Variants in SUMO2 observed in about 807,000 individuals in gnomAD.
The protein encoded by SUMO2 is small ubiquitin-related modifier 2.
SUMO2 carries 1 observed loss-of-function variant against 16.0 expected under a neutral mutation model. The observed-to-expected ratio is 0.06, with a 90% CI of 0.02 to 0.30. The LOEUF is 0.30. Ranked by LOEUF, SUMO2 falls within the 10% of genes least tolerant of loss-of-function variation. SUMO2 has a pLI of 1.00. For synonymous variants in SUMO2, 36 were observed against 40.6 expected (o/e 0.89, Z 0.43); for missense variants, 16 against 117.5 (o/e 0.14, Z 3.99).
At chr17:75,173,998 A>C (rs1052734338) in intron 3 of SUMO2, among the ~76,000 whole-genome samples, 1 of 152,218 alleles carries the variant, frequency 6.6e-6, no homozygotes, top group Admixed American at 6.6e-5. Context: ...TCTCCCTGTC[A>C]AACAAAGCTA....
intron 2 of SUMO2, among the ~76,000 whole-genome samples, chr17:75,178,216 A>C (rs918684830): frequency 1.3e-4 from 19 of 151,710 alleles, no homozygotes; most frequent in African/African-American, 4.8e-5. Context: ...TAAGATATGC[A>C]TAAGAATAGT....
chr17:75,166,029 A>C lies in SUMO2; in HGVS notation c.*2310T>G, dbSNP rs11653062. The C allele has an allele frequency of 0.48, 73,158 of 152,382 alleles. 21,127 individuals carry two copies. Among genetic ancestry groups the C allele is most frequent in the Non-Finnish European group, 0.65 (44,315 of 68,432 alleles). 9.4% of individuals were successfully genotyped at this position (152,382 alleles called of 1,614,324 possible). ...CGACAGAGCAAGACTCCGTCTGAAAAAAAAACAAAAACAAAAACAAAAACT... is the reference window on the plus strand; with the variant it reads ...CGACAGAGCAAGACTCCGTCTGAAACAAAAACAAAAACAAAAACAAAAACT... On this transcript the variant is annotated 3_prime_UTR_variant, in exon 4 of 4. Coordinates refer to ENST00000420826, the MANE Select transcript of SUMO2 (RefSeq NM_006937.4).
At chr17:75,177,520 T>C (rs1323755238) in intron 2 of SUMO2, among the ~76,000 whole-genome samples, 1 of 151,008 alleles carries the variant, frequency 6.6e-6, no homozygotes, top group Non-Finnish European at 1.5e-5. Flanking sequence ...CCGTCTCTAC[T>C]AAAAATACAA....
intron 1 of SUMO2, 63 bp from the exon 2 acceptor site, chr17:75,181,251 C>G (rs1419383772): frequency 6.4e-7 from 1 of 1,560,268 alleles, no homozygotes; most frequent in Non-Finnish European, 8.8e-7. Context: ...TTTTATAAAG[C>G]AGCAGCAGCC....
intron 3 of SUMO2, among the ~76,000 whole-genome samples, chr17:75,169,198 C>CTCCAG (rs1195964221): frequency 6.6e-6 from 1 of 151,994 alleles, no homozygotes; most frequent in Non-Finnish European, 1.5e-5. Context: ...CACCAGCTCA[C>CTCCAG]TCCAGCCTGA....
At chr17:75,174,116 C>T (rs939394855) in intron 3 of SUMO2, among the ~76,000 whole-genome samples, 1 of 152,160 alleles carries the variant, frequency 6.6e-6, no homozygotes, top group East Asian at 1.9e-4. Context: ...TGGCTGGGTG[C>T]GGTGGCTCAC....
chr17:75,177,843 G>T (rs1479813810), intron 2 of SUMO2, among the ~76,000 whole-genome samples: 1 of 119,786 alleles, frequency 8.3e-6, no homozygotes, highest in Non-Finnish European at 1.8e-5. Flanking sequence ...AAATAAATTA[G>T]CCGAGCACGG....
intron 1 of SUMO2, 96 bp from the exon 2 acceptor site, chr17:75,181,284 G>A (rs528037951): frequency 6.1e-6 from 8 of 1,308,022 alleles, no homozygotes; most frequent in South Asian, 5.5e-5. Flanking sequence ...AAAATCAACA[G>A]GTTTCTCATA....
chr17:75,171,997 T>C (rs939903741), intron 3 of SUMO2, among the ~76,000 whole-genome samples: 1 of 151,186 alleles, frequency 6.6e-6, no homozygotes, highest in Non-Finnish European at 1.5e-5. Flanking sequence ...TGTGGCTACA[T>C]ACCATAATTG....
At chr17:75,181,296 T>A (rs1487141860) in intron 1 of SUMO2, 108 bp from the exon 2 acceptor site, 2 of 1,193,656 alleles carry the variant, frequency 1.7e-6, no homozygotes, top group Non-Finnish European at 2.3e-6. Flanking sequence ...TTTCTCATAC[T>A]GTATGCTAAA....
chr17:75,180,568 AT>A (rs2074821621), intron 2 of SUMO2, among the ~76,000 whole-genome samples: 1 of 151,478 alleles, frequency 6.6e-6, no homozygotes, highest in Non-Finnish European at 1.5e-5. Context: ...CAAAAAAAAA[AT>A]TGGCCAGGCC....
chr17:75,178,497 G>C (rs1374979483), intron 2 of SUMO2, among the ~76,000 whole-genome samples: 4 of 141,086 alleles, frequency 2.8e-5, no homozygotes, highest in Non-Finnish European at 6.1e-5. Context: ...CTGGGCAACA[G>C]TGCGAGACTC....
At chr17:75,168,492 T>A in intron 3 of SUMO2, 91 bp from the exon 4 acceptor site, 2 of 1,085,238 alleles carry the variant, frequency 1.8e-6, no homozygotes, top group Non-Finnish European at 1.3e-6. Context: ...AACATGTACA[T>A]GTTCCACTAA....
intron 3 of SUMO2, among the ~76,000 whole-genome samples, chr17:75,169,848 C>CAAA (rs34254735): frequency 2.8e-5 from 2 of 70,664 alleles, no homozygotes; most frequent in African/African-American, 5.4e-5. Context: ...GACTTGGTCT[C>CAAA]AAAAAAAAAA....
Position 75,168,339 on chromosome 17 carries a change from T to A in SUMO2, c.288A>T (p.Ter96CysextTer22). ...TGGAGTAAAGAAGCAGGTTCCCTTT[T>A]CAGTAGACACCTCCCGTCTGCTGTT... ...VFQQQTGGVY[*>C] The change falls in exon 4 of 4, where the codon TGA (stop) becomes TGT (cysteine). Residue 96 changes from the stop codon to cysteine, a stop_lost. Transcript: ENST00000420826. 6.3e-7 allele frequency: 1 copy of A among 1,595,988 alleles called. No individual in the cohort carries two copies. Among genetic ancestry groups the A allele is most frequent in the Non-Finnish European group, 8.5e-7 (1 of 1,171,466 alleles).
At chr17:75,180,842 G>A (rs2074823572) in intron 2 of SUMO2, among the ~76,000 whole-genome samples, 3 of 151,946 alleles carry the variant, frequency 2.0e-5, no homozygotes, top group African/African-American at 7.2e-5. Context: ...TGGATTTCTG[G>A]CACAGGACTG....
intron 3 of SUMO2, among the ~76,000 whole-genome samples, chr17:75,173,279 A>G (rs1342468501): frequency 2.0e-5 from 3 of 151,690 alleles, no homozygotes; most frequent in African/African-American, 7.3e-5. Flanking sequence ...CCCTCCCACT[A>G]AACTTCCCAA....
chr17:75,178,356 A>G (rs2074800270), intron 2 of SUMO2, among the ~76,000 whole-genome samples: 1 of 151,876 alleles, frequency 6.6e-6, no homozygotes, highest in African/African-American at 2.4e-5. Flanking sequence ...TCTACAAAAA[A>G]TACAAAAATT....
At chr17:75,175,200 C>A (rs28437274) in intron 2 of SUMO2, among the ~76,000 whole-genome samples, 7,185 of 152,208 alleles carry the variant, frequency 0.047, 574 homozygotes, top group African/African-American at 0.16. Flanking sequence ...CCAGGCTGGT[C>A]TCGAACTCCT....
Sources: allele counts gnomAD v4.1 joint callset (sites outside exome capture counted in the v4.1 genomes callset), GRCh38; gene constraint gnomAD v4.1.1; transcripts MANE v1.5; gene names NCBI Gene and HGNC (gene_info 2026-07-23, HGNC 2026-07-21).